RPRD1A: variants seen among roughly 807,000 people sequenced by gnomAD.
RPRD1A encodes regulation of nuclear pre-mRNA domain containing 1A, also known as regulation of nuclear pre-mRNA domain-containing protein 1A.
Under a neutral mutation model 37.8 loss-of-function variants are expected in RPRD1A, and 9 were observed. That is an observed-to-expected ratio of 0.24 (90% CI 0.14 to 0.42). RPRD1A has a LOEUF of 0.42. Ranked by LOEUF, RPRD1A falls within the 10% of genes least tolerant of loss-of-function variation. The pLI, the probability that RPRD1A is intolerant of heterozygous loss-of-function variation, is 1.00. For missense variants in RPRD1A, 255 were observed against 371.0 expected, an observed-to-expected ratio of 0.69 and a Z score of 2.57; for synonymous variants, 138 against 139.7, an observed-to-expected ratio of 0.99 and a Z score of 0.08.
At chr18:36,039,198 G>C (rs2144329563) in intron 1 of RPRD1A, among the ~76,000 whole-genome samples, 1 of 152,290 alleles carries the variant, frequency 6.6e-6, no homozygotes, top group Admixed American at 6.5e-5. Context: ...ACATGTCAGG[G>C]GAGGGGCCTG....
At chr18:36,062,732 A>G (rs1020691554) in intron 1 of RPRD1A, among the ~76,000 whole-genome samples, 4 of 152,318 alleles carry the variant, frequency 2.6e-5, no homozygotes, top group East Asian at 1.9e-4. Flanking sequence ...TGAAATGGTA[A>G]AAATAGTCCA....
chr18:36,057,554 G>T (rs1428481245), intron 1 of RPRD1A, among the ~76,000 whole-genome samples: 1 of 152,214 alleles, frequency 6.6e-6, no homozygotes, highest in African/African-American at 2.4e-5. Flanking sequence ...AGAGGTTGCT[G>T]TGAGTTGAGA....
chr18:36,008,340 G>A (rs1016106014), intron 6 of RPRD1A, among the ~76,000 whole-genome samples: 8 of 151,554 alleles, frequency 5.3e-5, no homozygotes, highest in Non-Finnish European at 1.0e-4. Context: ...CACTTTGGGA[G>A]GCCAAGGTGA....
intron 6 of RPRD1A, among the ~76,000 whole-genome samples, chr18:36,013,294 A>G (rs1043137909): frequency 2.6e-5 from 4 of 152,226 alleles, no homozygotes; most frequent in African/African-American, 2.4e-5. Flanking sequence ...GAATTAGTAT[A>G]ACAAAAAATG....
At chr18:36,022,339 G>A (rs74517106) in intron 6 of RPRD1A, among the ~76,000 whole-genome samples, 1 of 152,068 alleles carries the variant, frequency 6.6e-6, no homozygotes, top group Admixed American at 6.5e-5. Context: ...CGTTGATGAC[G>A]GTGGCTACAC....
intron 1 of RPRD1A, among the ~76,000 whole-genome samples, chr18:36,054,359 G>A (rs912755588): frequency 6.6e-6 from 1 of 152,184 alleles, no homozygotes; most frequent in Non-Finnish European, 1.5e-5. Flanking sequence ...CAGATGTGGT[G>A]GCGGGCGCCT....
intron 4 of RPRD1A, among the ~76,000 whole-genome samples, chr18:36,029,759 C>T (rs1911634814): frequency 1.3e-5 from 2 of 151,520 alleles, no homozygotes; most frequent in African/African-American, 4.8e-5. Context: ...TTACATAGTT[C>T]TATATAGTTA....
chr18:36,054,477 C>T (rs936660532), intron 1 of RPRD1A, among the ~76,000 whole-genome samples: 2 of 151,990 alleles, frequency 1.3e-5, no homozygotes, highest in East Asian at 1.9e-4. Context: ...GGCAACAGAG[C>T]GAGACTCCAT....
chr18:36,034,137 T>C (rs2144307436), intron 1 of RPRD1A, among the ~76,000 whole-genome samples: 2 of 152,290 alleles, frequency 1.3e-5, no homozygotes, highest in South Asian at 4.2e-4. Context: ...GCTCATGTTA[T>C]TAAGATGGCA....
At chr18:36,042,770 G>T (rs1339337138) in intron 1 of RPRD1A, among the ~76,000 whole-genome samples, 1 of 152,154 alleles carries the variant, frequency 6.6e-6, no homozygotes, top group African/African-American at 2.4e-5. Flanking sequence ...ACTAAAGTCT[G>T]ACACCAACTA....
At chr18:36,022,527 A>T (rs888035212) in intron 6 of RPRD1A, among the ~76,000 whole-genome samples, 2 of 152,226 alleles carry the variant, frequency 1.3e-5, no homozygotes, top group African/African-American at 4.8e-5. Context: ...TTCATTTACC[A>T]TTCTGAATAA....
intron 6 of RPRD1A, among the ~76,000 whole-genome samples, chr18:36,021,321 T>C (rs1265580554): frequency 6.7e-6 from 1 of 148,558 alleles, no homozygotes; most frequent in Non-Finnish European, 1.5e-5. Context: ...CACTTAAGTG[T>C]CTGTCAAATT....
chr18:36,016,661 A>T (rs1287311641), intron 6 of RPRD1A, among the ~76,000 whole-genome samples: 1 of 152,208 alleles, frequency 6.6e-6, no homozygotes. Flanking sequence ...ATTCAGAGCA[A>T]TGTTTTCAGT....
chr18:36,027,512 G>A (rs1490846530), intron 4 of RPRD1A: 1 of 541,096 alleles, frequency 1.8e-6, no homozygotes, highest in East Asian at 3.1e-5. Context: ...ATATAAACAG[G>A]ACAAGGCCCT....
intron 6 of RPRD1A, among the ~76,000 whole-genome samples, chr18:36,014,438 C>A (rs1666659368): frequency 6.6e-6 from 1 of 152,162 alleles, no homozygotes; most frequent in Non-Finnish European, 1.5e-5. Flanking sequence ...AGAAAACAAC[C>A]TGATTTTAAA....
intron 2 of RPRD1A, among the ~76,000 whole-genome samples, chr18:36,033,099 C>T (rs1048805769): frequency 2.6e-5 from 4 of 151,868 alleles, no homozygotes; most frequent in Non-Finnish European, 5.9e-5. Context: ...GTCAGGAGTT[C>T]AAGACCAGCC....
At chr18:36,045,273 G>A (rs1229828619) in intron 1 of RPRD1A, among the ~76,000 whole-genome samples, 7 of 151,692 alleles carry the variant, frequency 4.6e-5, no homozygotes, top group Middle Eastern at 3.4e-3. Flanking sequence ...AATAGAGGTC[G>A]CAAAAAAAAC....
At chr18:36,047,018 C>T (rs1377553597) in intron 1 of RPRD1A, among the ~76,000 whole-genome samples, 5 of 151,844 alleles carry the variant, frequency 3.3e-5, no homozygotes, top group African/African-American at 9.7e-5. Context: ...AAGCAGCCAC[C>T]AAGGCTGGGC....
Position 36,049,429 on chromosome 18 carries a change from A to AC in RPRD1A, c.152-15593dup, listed in dbSNP as rs72537908. ...ATCAAAAACCTGCATATAATTTTTG[A>AC]CCCCCCCCACCAAAAAACTTAGGGA... is the stretch of plus-strand genomic sequence containing the variant. On this transcript the variant is annotated intron_variant, in intron 1 of 6. Coordinates refer to ENST00000399022, the MANE Select transcript of RPRD1A (RefSeq NM_018170.5). Among the ~76,000 whole-genome samples the AC allele has an allele frequency of 4.8e-3, 685 of 143,336 alleles. 5 individuals carry two copies. The highest frequency in any genetic ancestry group is 0.012 in the African/African-American group (489 of 39,484). The allele number at this position is 143,336 out of a possible 152,430, so 94.0% of individuals were successfully genotyped here. A position where few individuals can be genotyped will look rare whatever the true frequency, so the allele number is the denominator to read the frequency against.
Sources: allele counts gnomAD v4.1 joint callset (sites outside exome capture counted in the v4.1 genomes callset), GRCh38; gene constraint gnomAD v4.1.1; transcripts MANE v1.5; gene names NCBI Gene and HGNC (gene_info 2026-07-23, HGNC 2026-07-21).